The following WWP1 variants were observed in gnomAD, a reference collection of about 807,000 sequenced individuals.
WWP1 encodes the protein NEDD4-like E3 ubiquitin-protein ligase WWP1.
In WWP1, 49 loss-of-function variants were observed where a neutral mutation model predicts 130.6. The ratio of observed to expected loss-of-function variants is 0.38; its 90% CI spans 0.30 to 0.48. The LOEUF (loss-of-function observed/expected upper bound fraction) is 0.48, where lower values mean the gene tolerates loss of function less well. Among genes scored for constraint, WWP1 ranks in the 20% least tolerant of loss-of-function variants. WWP1 has a pLI of 0.99. For synonymous variants in WWP1, 332 were observed against 367.8 expected (o/e 0.90, Z 1.11); for missense variants, 809 against 1,100.6 (o/e 0.74, Z 3.75).
rs530949832 is a variant in WWP1, at chr8:86,415,268, G to A, written c.1061+3394G>A. On this transcript the variant is annotated intron_variant, in intron 9 of 24. Coordinates refer to ENST00000517970, the MANE Select transcript of WWP1 (RefSeq NM_007013.4). ...ATCAAGCCAGTTTCCCCACATTTCC[G>A]TATCCTGCTTTATTTTCCCCAACAT... is the stretch of plus-strand genomic sequence containing the variant. Among the ~76,000 whole-genome samples, 31 of 151,960 alleles carry A rather than the reference G, an allele frequency of 2.0e-4. No homozygotes were observed. In the South Asian group the frequency reaches 3.9e-3, roughly 19 times the overall value.
chr8:86,468,312 T>C lies in WWP1; in HGVS notation c.*1419T>C, dbSNP rs1016126693. On this transcript the variant is annotated 3_prime_UTR_variant, in exon 25 of 25. Coordinates refer to ENST00000517970, the MANE Select transcript of WWP1 (RefSeq NM_007013.4). Reference sequence around the variant, plus strand: ...ATTTTTCTACATATTGAGAGTGTGTTCTCCATTTTATTCAGAATTCATAGT... The same window carrying C: ...ATTTTTCTACATATTGAGAGTGTGTCCTCCATTTTATTCAGAATTCATAGT... The C allele has an allele frequency of 4.7e-6, 2 of 429,866 alleles. No individual in the cohort carries two copies. Among genetic ancestry groups the C allele is most frequent in the Non-Finnish European group, 9.1e-6 (2 of 220,478 alleles). 26.6% of individuals were successfully genotyped at this position (429,866 alleles called of 1,614,324 possible). A position where few individuals can be genotyped will look rare whatever the true frequency, so the allele number is the denominator to read the frequency against.
chr8:86,468,292 T>C lies in WWP1; in HGVS notation c.*1399T>C, dbSNP rs1319981987. On this transcript the variant is annotated 3_prime_UTR_variant, in exon 25 of 25. Coordinates refer to ENST00000517970, the MANE Select transcript of WWP1 (RefSeq NM_007013.4). ...TATTGTTTTGCCAAAATTTTATTTT[T>C]CTACATATTGAGAGTGTGTTCTCCA... The C allele has an allele frequency of 2.5e-6, 1 of 405,748 alleles. No individual in the cohort carries two copies. The highest frequency in any genetic ancestry group is 2.1e-5 in the African/African-American group (1 of 47,228). The allele number at this position is 405,748 out of a possible 1,614,324, so 25.1% of individuals were successfully genotyped here.
intron 9 of WWP1, among the ~76,000 whole-genome samples, chr8:86,422,184 C>T (rs1809254573): frequency 6.6e-6 from 1 of 151,998 alleles, no homozygotes; most frequent in East Asian, 1.9e-4. Flanking sequence ...TTGTCAGCAC[C>T]CCAGGAATAC....
chr8:86,428,134 T>G (rs1332790621), intron 11 of WWP1, among the ~76,000 whole-genome samples: 1 of 152,220 alleles, frequency 6.6e-6, no homozygotes, highest in Non-Finnish European at 1.5e-5. Flanking sequence ...TCTTCCACTT[T>G]TATAAATTTT....
At chr8:86,356,412 AC>A (rs1823260096) in intron 1 of WWP1, among the ~76,000 whole-genome samples, 1 of 151,380 alleles carries the variant, frequency 6.6e-6, no homozygotes. Context: ...AAGGGGAAAA[AC>A]TTATCAAATG....
chr8:86,375,651 TAA>T (rs1824601340), intron 3 of WWP1, among the ~76,000 whole-genome samples: 2 of 152,194 alleles, frequency 1.3e-5, no homozygotes, highest in Non-Finnish European at 2.9e-5. Context: ...TGAATAGATG[TAA>T]AAAAGCTAAC....
At chr8:86,396,869 G>A (rs927542012) in intron 5 of WWP1, among the ~76,000 whole-genome samples, 1 of 152,120 alleles carries the variant, frequency 6.6e-6, no homozygotes, top group African/African-American at 2.4e-5. Flanking sequence ...AAAATGCTGG[G>A]ATTAGAGGCG....
At chr8:86,410,236 A>T (rs190548038) in intron 8 of WWP1, among the ~76,000 whole-genome samples, 255 of 152,328 alleles carry the variant, frequency 1.7e-3, no homozygotes, top group Middle Eastern at 6.8e-3. Context: ...CTTAAATAAC[A>T]TAAGAATGAT....
intron 24 of WWP1, among the ~76,000 whole-genome samples, chr8:86,463,796 C>T (rs1021972976): frequency 6.6e-6 from 1 of 152,036 alleles, no homozygotes; most frequent in Admixed American, 6.5e-5. Context: ...CACGGTGGCT[C>T]ACACCTGTAA....
intron 1 of WWP1, among the ~76,000 whole-genome samples, chr8:86,366,897 ATAATT>A (rs992456861): frequency 5.7e-4 from 87 of 152,328 alleles, no homozygotes; most frequent in African/African-American, 1.8e-3. Flanking sequence ...ATTCGTATAT[ATAATT>A]TAATTTAAAA....
At chr8:86,395,608 T>G (rs1807616673) in intron 5 of WWP1, among the ~76,000 whole-genome samples, 1 of 152,180 alleles carries the variant, frequency 6.6e-6, no homozygotes. Context: ...TTTCCTTCAA[T>G]GCACTTACCA....
At chr8:86,385,922 C>A (rs556698296) in intron 5 of WWP1, among the ~76,000 whole-genome samples, 1 of 152,292 alleles carries the variant, frequency 6.6e-6, no homozygotes, top group East Asian at 1.9e-4. Context: ...TGCACATGCT[C>A]ACATGTCCTT....
intron 5 of WWP1, among the ~76,000 whole-genome samples, chr8:86,392,834 C>T (rs551999990): frequency 6.6e-6 from 1 of 152,086 alleles, no homozygotes; most frequent in Non-Finnish European, 1.5e-5. Context: ...ATGTAAGTGC[C>T]TCTTTATTCT....
chr8:86,351,186 C>T (rs536253620), intron 1 of WWP1, among the ~76,000 whole-genome samples: 2 of 152,292 alleles, frequency 1.3e-5, no homozygotes, highest in African/African-American at 2.4e-5. Flanking sequence ...GTGGCTAGAA[C>T]GTAAGCCCTT....
intron 5 of WWP1, among the ~76,000 whole-genome samples, chr8:86,387,658 G>A (rs959631997): frequency 6.6e-6 from 1 of 151,924 alleles, no homozygotes; most frequent in African/African-American, 2.4e-5. Flanking sequence ...GGTTACAGAC[G>A]TGTGCTACCA....
At chr8:86,343,564 A>G (rs1345687959) in intron 1 of WWP1, among the ~76,000 whole-genome samples, 3 of 151,988 alleles carry the variant, frequency 2.0e-5, no homozygotes, top group African/African-American at 7.3e-5. Flanking sequence ...TTTTAAAAAA[A>G]TTTAATTTTG....
At chr8:86,462,670 C>T (rs906616762) in intron 24 of WWP1, among the ~76,000 whole-genome samples, 7 of 152,064 alleles carry the variant, frequency 4.6e-5, no homozygotes, top group African/African-American at 1.7e-4. Context: ...TTACCCAGGC[C>T]AAAGATGACA....
At chr8:86,436,152 G>A (rs1810280335) in intron 16 of WWP1, among the ~76,000 whole-genome samples, 1 of 152,208 alleles carries the variant, frequency 6.6e-6, no homozygotes, top group Middle Eastern at 3.4e-3. Flanking sequence ...CATGTTATAG[G>A]TAAAGGTACT....
intron 9 of WWP1, among the ~76,000 whole-genome samples, chr8:86,420,119 C>T (rs910308124): frequency 3.9e-5 from 6 of 152,056 alleles, no homozygotes; most frequent in East Asian, 3.9e-4. Flanking sequence ...AAGTAAAAGA[C>T]GTTGGAGGCA....
Sources: allele counts gnomAD v4.1 joint callset (sites outside exome capture counted in the v4.1 genomes callset), GRCh38; gene constraint gnomAD v4.1.1; transcripts MANE v1.5; gene names NCBI Gene and HGNC (gene_info 2026-07-23, HGNC 2026-07-21).